Variants in SEMA3A observed in about 807,000 individuals in gnomAD.
SEMA3A encodes semaphorin-3A.
In SEMA3A, 29 loss-of-function variants were observed where a neutral mutation model predicts 97.9. That is an observed-to-expected ratio of 0.30 (90% CI 0.22 to 0.40). The LOEUF (loss-of-function observed/expected upper bound fraction) is 0.40. Among genes scored for constraint, SEMA3A ranks in the 10% least tolerant of loss-of-function variants. The probability of loss-of-function intolerance (pLI) is 1.00; values close to 1 mark genes in which losing one functional copy is unlikely to be tolerated. For synonymous variants in SEMA3A, 321 were observed against 323.7 expected (o/e 0.99, Z 0.09); for missense variants, 763 against 951.3 (o/e 0.80, Z 2.60).
chr7:84,191,186 T>C (rs1273415312), intron 1 of SEMA3A, among the ~76,000 whole-genome samples: 4 of 150,978 alleles, frequency 2.6e-5, no homozygotes, highest in South Asian at 4.1e-4. Flanking sequence ...AGAATTTTTA[T>C]TTAATTGATA....
In SEMA3A at chr7:84,083,219, T is replaced by TAC. The variant is rs531524585; in HGVS notation, c.454-22663_454-22662dup. ...GATGGTTTATTTGTACATATATATATACACACACACGTATTTGTACTTTAC... is the reference window on the plus strand; with the variant it reads ...GATGGTTTATTTGTACATATATATATACACACACACACGTATTTGTACTTTAC... On this transcript the variant is annotated intron_variant, in intron 4 of 16. Transcript: ENST00000265362. 7.3e-5 allele frequency among the ~76,000 whole-genome samples: 11 copies of TAC among 151,526 alleles called. No homozygotes were observed. The South Asian group carries it at 1.0e-3, about 14-fold the overall frequency.
intron 4 of SEMA3A, among the ~76,000 whole-genome samples, chr7:84,081,389 A>C (rs569392551): frequency 9.9e-5 from 15 of 152,108 alleles, no homozygotes; most frequent in Non-Finnish European, 1.2e-4. Flanking sequence ...TCAGGAGATC[A>C]AGACCACCCT....
At chr7:84,324,945 C>T (rs911877693) in intron 2 of SEMA3A, among the ~76,000 whole-genome samples, 1 of 152,136 alleles carries the variant, frequency 6.6e-6, no homozygotes, top group South Asian at 2.1e-4. Flanking sequence ...CAATCCACTC[C>T]ATCCGTCAAA....
In SEMA3A at chr7:84,102,926, A is replaced by C. The variant is rs573501660; in HGVS notation, c.453+7544T>G. Among the ~76,000 whole-genome samples the C allele has an allele frequency of 4.9e-4, 75 of 152,158 alleles. No homozygotes were observed. The Middle Eastern group carries it at 0.01, about 21-fold the overall frequency. On this transcript the variant is annotated intron_variant, in intron 4 of 16. Coordinates refer to ENST00000265362, the MANE Select transcript of SEMA3A (RefSeq NM_006080.3). ...AAACACTTGTAAGGTGTCTTCTAGC[A>C]TGCTGTCAGAGTTACCACATATTGT...
chr7:84,459,388 C>T (rs1203166010), intron 1 of SEMA3A, among the ~76,000 whole-genome samples: 1 of 152,134 alleles, frequency 6.6e-6, no homozygotes, highest in African/African-American at 2.4e-5. Context: ...TCCTATAATA[C>T]ACCAAAAGTA....
At chr7:84,136,332 AT>A (rs1335690091) in intron 1 of SEMA3A, among the ~76,000 whole-genome samples, 1 of 152,278 alleles carries the variant, frequency 6.6e-6, no homozygotes, top group South Asian at 2.1e-4. Context: ...TGACCTCTTC[AT>A]TTTATCATTT....
chr7:84,310,117 G>A (rs921892862), intron 2 of SEMA3A, among the ~76,000 whole-genome samples: 1 of 151,970 alleles, frequency 6.6e-6, no homozygotes, highest in Non-Finnish European at 1.5e-5. Flanking sequence ...ACTATTTCAG[G>A]TATCTCTATT....
Position 84,426,255 on chromosome 7 carries a change from GAGAT to G in SEMA3A, c.-245-54359_-245-54356del, listed in dbSNP as rs1412736392. On this transcript the variant is annotated intron_variant, in intron 1 of 3. Coordinates refer to the SEMA3A transcript ENST00000424555. The stretch of plus-strand genomic sequence containing the variant: ...TATAGATACATAGATAGATGATAGA[GAGAT>G]AGATATAGATATATAGACAGATAGA... Among the ~76,000 whole-genome samples the G allele has an allele frequency of 8.1e-5, 12 of 149,008 alleles. No individual in the cohort carries two copies. The East Asian group carries it at 2.4e-3, about 30-fold the overall frequency.
At chr7:84,193,846 G>T (rs982608213) in intron 1 of SEMA3A, among the ~76,000 whole-genome samples, 1 of 151,986 alleles carries the variant, frequency 6.6e-6, no homozygotes, top group Admixed American at 6.6e-5. Context: ...AGTACATATA[G>T]AATTAAATAA....
At chr7:84,365,097 A>G (rs901450574) in intron 2 of SEMA3A, among the ~76,000 whole-genome samples, 1 of 151,658 alleles carries the variant, frequency 6.6e-6, no homozygotes, top group African/African-American at 2.4e-5. Flanking sequence ...AGGAATAGTA[A>G]TATAGGAGAT....
intron 1 of SEMA3A, among the ~76,000 whole-genome samples, chr7:84,379,218 T>C (rs577142): frequency 0.3 from 46,180 of 151,980 alleles, 7,678 homozygotes; most frequent in African/African-American, 0.44. Context: ...TGAGCCACCG[T>C]GCCCAGCCGT....
intron 1 of SEMA3A, among the ~76,000 whole-genome samples, chr7:84,452,918 TG>T (rs35329413): frequency 2.0e-5 from 3 of 152,014 alleles, no homozygotes. Context: ...GGGCCTTTTT[TG>T]GGGGGGAAGT....
chr7:84,201,449 T>G (rs938398704), intron 3 of SEMA3A, among the ~76,000 whole-genome samples: 1 of 152,020 alleles, frequency 6.6e-6, no homozygotes, highest in Non-Finnish European at 1.5e-5. Context: ...TCAATTATTT[T>G]TATTCCATAT....
At chr7:84,066,037 C>T (rs1793476089) in intron 4 of SEMA3A, among the ~76,000 whole-genome samples, 1 of 151,504 alleles carries the variant, frequency 6.6e-6, no homozygotes, top group Admixed American at 6.6e-5. Flanking sequence ...TACTGGCAAA[C>T]CGAATCCAGC....
chr7:84,154,558 C>A (rs933773641), intron 1 of SEMA3A, among the ~76,000 whole-genome samples: 5 of 151,648 alleles, frequency 3.3e-5, no homozygotes, highest in Admixed American at 2.0e-4. Flanking sequence ...CGCCTGTAAT[C>A]CCAGCTACTC....
At chr7:84,160,575 C>G (rs1336869431) in intron 1 of SEMA3A, among the ~76,000 whole-genome samples, 1 of 149,604 alleles carries the variant, frequency 6.7e-6, no homozygotes, top group Non-Finnish European at 1.5e-5. Flanking sequence ...TAAAAACAAA[C>G]AAACAAAAAA....
intron 4 of SEMA3A, among the ~76,000 whole-genome samples, chr7:84,060,963 A>C (rs1358676200): frequency 6.6e-6 from 1 of 152,240 alleles, no homozygotes; most frequent in Non-Finnish European, 1.5e-5. Context: ...ATAGCAATTC[A>C]CTACGTTAGT....
At chr7:84,120,627 T>C (rs12707620) in intron 3 of SEMA3A, among the ~76,000 whole-genome samples, 61,399 of 152,090 alleles carry the variant, frequency 0.4, 14,203 homozygotes, top group Admixed American at 0.51. Flanking sequence ...AAATCAGTTA[T>C]CTGTACAACT....
chr7:84,016,700 A>G (rs1227221913), intron 6 of SEMA3A, among the ~76,000 whole-genome samples: 1 of 152,178 alleles, frequency 6.6e-6, no homozygotes, highest in African/African-American at 2.4e-5. Context: ...ACTGAGATCT[A>G]TTCACCTTGT....
Sources: allele counts gnomAD v4.1 joint callset (sites outside exome capture counted in the v4.1 genomes callset), GRCh38; gene constraint gnomAD v4.1.1; transcripts MANE v1.5; gene names NCBI Gene and HGNC (gene_info 2026-07-23, HGNC 2026-07-21).